RCAN2: variants seen among roughly 807,000 people sequenced by gnomAD.
RCAN2 encodes calcipressin-2.
A neutral mutation model predicts 23.6 loss-of-function variants in RCAN2; 9 were observed. The observed-to-expected ratio is 0.38, with a 90% CI of 0.23 to 0.67. The LOEUF is 0.67. Ranked by LOEUF, RCAN2 falls within the 30% of genes least tolerant of loss-of-function variation. The probability of loss-of-function intolerance (pLI) is 0.51; values close to 1 mark genes in which losing one functional copy is unlikely to be tolerated. For synonymous variants in RCAN2, 109 were observed against 115.7 expected, an observed-to-expected ratio of 0.94 and a Z score of 0.37; for missense variants, 273 against 302.3, an observed-to-expected ratio of 0.90 and a Z score of 0.72.
chr6:46,249,409 C>T (rs1766635321), intron 2 of RCAN2, among the ~76,000 whole-genome samples: 2 of 151,346 alleles, frequency 1.3e-5, no homozygotes, highest in African/African-American at 2.4e-5. Context: ...ACCCCCGCCT[C>T]CTGGATTCAA....
Position 46,243,114 on chromosome 6 carries a change from C to T in RCAN2, c.571+3634G>A, listed in dbSNP as rs534984735. ...CACCTGGTTGGGAAGGGGGCAGAGA[C>T]GCGATGTGGGGGAGGATGCCATGGG... is the stretch of plus-strand genomic sequence containing the variant. On this transcript the variant is annotated intron_variant, in intron 4 of 4. Coordinates refer to ENST00000371374, the MANE Select transcript of RCAN2 (RefSeq NM_001251974.2). Among the ~76,000 whole-genome samples the T allele has an allele frequency of 5.9e-5, 9 of 152,196 alleles. No individual in the cohort carries two copies. In the South Asian group the frequency reaches 6.2e-4, roughly 11 times the overall value.
intron 1 of RCAN2, among the ~76,000 whole-genome samples, chr6:46,475,187 A>G (rs1768679117): frequency 6.6e-6 from 1 of 152,088 alleles, no homozygotes; most frequent in Admixed American, 6.6e-5. Flanking sequence ...CTCTATGACT[A>G]TTGGTTACGG....
At chr6:46,363,078 T>C (rs1765062272) in intron 2 of RCAN2, among the ~76,000 whole-genome samples, 1 of 152,154 alleles carries the variant, frequency 6.6e-6, no homozygotes, top group Non-Finnish European at 1.5e-5. Flanking sequence ...AATAGAATAA[T>C]TAAATCTTCA....
chr6:46,403,352 C>A (rs1265250980), intron 2 of RCAN2, among the ~76,000 whole-genome samples: 1 of 151,990 alleles, frequency 6.6e-6, no homozygotes, highest in African/African-American at 2.4e-5. Context: ...GCAGGTGGAT[C>A]ACCTGAGGTC....
intron 2 of RCAN2, among the ~76,000 whole-genome samples, chr6:46,324,364 T>C (rs1451457207): frequency 1.3e-5 from 2 of 152,248 alleles, no homozygotes; most frequent in Non-Finnish European, 2.9e-5. Flanking sequence ...CATAGCCATG[T>C]GCTATGCCAA....
intron 2 of RCAN2, among the ~76,000 whole-genome samples, chr6:46,447,399 A>G (rs1767748181): frequency 6.6e-6 from 1 of 151,954 alleles, no homozygotes; most frequent in Admixed American, 6.6e-5. Context: ...ATAATGGTAG[A>G]GGACTTCCAT....
intron 1 of RCAN2, among the ~76,000 whole-genome samples, chr6:46,476,529 T>C (rs577943968): frequency 9.8e-5 from 15 of 152,290 alleles, no homozygotes; most frequent in South Asian, 4.2e-4. Context: ...CCCTCTTAGA[T>C]AGAATCCTGA....
intron 2 of RCAN2, among the ~76,000 whole-genome samples, chr6:46,410,578 A>G (rs1290937372): frequency 6.6e-6 from 1 of 152,212 alleles, no homozygotes; most frequent in African/African-American, 2.4e-5. Context: ...TAATTGTTAC[A>G]TAACTACTGG....
Position 46,289,021 on chromosome 6 carries a change from A to T in RCAN2, c.226-40125T>A, listed in dbSNP as rs139264873. Among the ~76,000 whole-genome samples the T allele has an allele frequency of 2.0e-5, 3 of 152,344 alleles. No individual in the cohort carries two copies. In the East Asian group the frequency reaches 5.8e-4, roughly 29 times the overall value. Reference sequence around the variant, plus strand: ...TGTGAGACTTGCCTATTTAAAGCAGAACTATTTCTGTCATGGGGCTACATA... The same window carrying T: ...TGTGAGACTTGCCTATTTAAAGCAGTACTATTTCTGTCATGGGGCTACATA... On this transcript the variant is annotated intron_variant, in intron 2 of 4. Coordinates refer to ENST00000371374, the MANE Select transcript of RCAN2 (RefSeq NM_001251974.2).
chr6:46,303,245 T>A (rs1056564232), intron 2 of RCAN2, among the ~76,000 whole-genome samples: 4 of 151,904 alleles, frequency 2.6e-5, no homozygotes, highest in African/African-American at 9.7e-5. Flanking sequence ...ACACGAGATG[T>A]ATATCTTCAT....
intron 2 of RCAN2, among the ~76,000 whole-genome samples, chr6:46,438,895 T>A (rs1181775483): frequency 6.6e-6 from 1 of 152,212 alleles, no homozygotes; most frequent in Admixed American, 6.5e-5. Context: ...GCTGATTGAT[T>A]GATTGCTGCA....
At chr6:46,474,015 G>A (rs747534409) in intron 1 of RCAN2, among the ~76,000 whole-genome samples, 15 of 152,166 alleles carry the variant, frequency 9.9e-5, no homozygotes, top group Non-Finnish European at 1.9e-4. Flanking sequence ...GGGTGGTGGA[G>A]GAGAGGCACT....
At chr6:46,372,205 C>T (rs1239143930) in intron 2 of RCAN2, among the ~76,000 whole-genome samples, 2 of 152,182 alleles carry the variant, frequency 1.3e-5, no homozygotes, top group Admixed American at 1.3e-4. Flanking sequence ...TACATGACAG[C>T]AACAATCGTA....
chr6:46,391,903 T>C (rs577564162), intron 2 of RCAN2, among the ~76,000 whole-genome samples: 1 of 152,148 alleles, frequency 6.6e-6, no homozygotes, highest in South Asian at 2.1e-4. Flanking sequence ...TAATTATTGG[T>C]TGAAGGAATG....
In RCAN2 at chr6:46,315,475, GGAA is replaced by G. The variant is rs567403556; in HGVS notation, c.226-66582_226-66580del. On this transcript the variant is annotated intron_variant, in intron 2 of 4. Coordinates refer to ENST00000371374, the MANE Select transcript of RCAN2 (RefSeq NM_001251974.2). ...GGAGCAAGCCATGTAGGCTCCAGAA[GGAA>G]GAAGATTCCAGGTAGAGGGCACAGC... Among the ~76,000 whole-genome samples the G allele has an allele frequency of 2.8e-4, 43 of 152,260 alleles. No individual in the cohort carries two copies. In the East Asian group the frequency reaches 7.9e-3, roughly 28 times the overall value.
intron 2 of RCAN2, among the ~76,000 whole-genome samples, chr6:46,348,135 CTT>C (rs1046758487): frequency 6.6e-6 from 1 of 152,120 alleles, no homozygotes; most frequent in Non-Finnish European, 1.5e-5. Flanking sequence ...GTTTGTGTCT[CTT>C]TTTATGTTAA....
At chr6:46,385,251 G>C (rs968546918) in intron 2 of RCAN2, among the ~76,000 whole-genome samples, 2 of 152,182 alleles carry the variant, frequency 1.3e-5, no homozygotes, top group African/African-American at 2.4e-5. Context: ...AAATCTGCAA[G>C]GAGAGCATTC....
chr6:46,280,020 G>A (rs1178801430), intron 2 of RCAN2, among the ~76,000 whole-genome samples: 1 of 152,170 alleles, frequency 6.6e-6, no homozygotes, highest in African/African-American at 2.4e-5. Context: ...GTGATTCAGA[G>A]TCTTGGTCAA....
chr6:46,260,552 C>T (rs1249112971), intron 2 of RCAN2, among the ~76,000 whole-genome samples: 3 of 152,116 alleles, frequency 2.0e-5, no homozygotes, highest in South Asian at 2.1e-4. Flanking sequence ...AGAGAGGAAC[C>T]GAAAGGCAGC....
Sources: allele counts gnomAD v4.1 joint callset (sites outside exome capture counted in the v4.1 genomes callset), GRCh38; gene constraint gnomAD v4.1.1; transcripts MANE v1.5; gene names NCBI Gene and HGNC (gene_info 2026-07-23, HGNC 2026-07-21).